Variants in SECISBP2L observed in about 807,000 individuals in gnomAD.
SECISBP2L encodes SECIS binding protein 2 like.
Under a neutral mutation model 114.7 loss-of-function variants are expected in SECISBP2L, and 43 were observed. The observed-to-expected ratio is 0.38, with a 90% CI of 0.29 to 0.48. The LOEUF is 0.48. Among genes scored for constraint, SECISBP2L ranks in the 20% least tolerant of loss-of-function variants. The pLI is 0.98. For missense variants in SECISBP2L, 1,136 were observed against 1,301.1 expected (o/e 0.87, Z 1.95); for synonymous variants, 451 against 439.7 (o/e 1.03, Z -0.32).
intron 12 of SECISBP2L, among the ~76,000 whole-genome samples, chr15:49,012,315 G>A (rs975011624): frequency 6.6e-6 from 1 of 152,190 alleles, no homozygotes; most frequent in Non-Finnish European, 1.5e-5. Flanking sequence ...TAAAATGGTT[G>A]CCTAAAATGA....
intron 16 of SECISBP2L, 28 bp downstream of exon 16, chr15:48,999,805 C>T: frequency 6.2e-7 from 1 of 1,607,480 alleles, no homozygotes; most frequent in Non-Finnish European, 8.5e-7. Context: ...TGCTGGAGAG[C>T]AAGAGTGTGT....
intron 1 of SECISBP2L, among the ~76,000 whole-genome samples, chr15:49,040,964 GAAC>G (rs1191341682): frequency 2.6e-5 from 4 of 151,520 alleles, no homozygotes; most frequent in South Asian, 2.1e-4. Context: ...CTTGCATAGT[GAAC>G]AACAAAATGT....
chr15:49,031,061 C>CTTTTTTTTTTT (rs1566861328), intron 4 of SECISBP2L, among the ~76,000 whole-genome samples: 1 of 77,038 alleles, frequency 1.3e-5, no homozygotes, highest in Non-Finnish European at 2.2e-5. Context: ...TTTTTTTTTT[C>CTTTTTTTTTTT]CCTTTTGAGA....
chr15:49,032,731 A>G (rs1038355230), intron 4 of SECISBP2L, among the ~76,000 whole-genome samples: 4 of 152,222 alleles, frequency 2.6e-5, no homozygotes, highest in Non-Finnish European at 5.9e-5. Flanking sequence ...CATTATTACA[A>G]AAGGAAAGGA....
At chr15:49,009,625 G>A (rs1320285214) in intron 13 of SECISBP2L, among the ~76,000 whole-genome samples, 1 of 152,072 alleles carries the variant, frequency 6.6e-6, no homozygotes, top group Non-Finnish European at 1.5e-5. Context: ...TGTGGTCCCA[G>A]CTACTCAGGA....
chr15:48,990,817 C>T lies in SECISBP2L; in HGVS notation c.*1427G>A, dbSNP rs1901958951. The T allele has an allele frequency of 7.4e-6, 1 of 134,606 alleles. No individual in the cohort carries two copies. Among genetic ancestry groups the T allele is most frequent in the Admixed American group, 9.0e-5 (1 of 11,066 alleles). The allele number at this position is 134,606 out of a possible 1,614,324, so 8.3% of individuals were successfully genotyped here. ...CTTATGGAAGCTTGTAAGTGGAAAA[C>T]ACACACACGTACGGATGTGTGCATG... On this transcript the variant is annotated 3_prime_UTR_variant, in exon 18 of 18. Transcript: ENST00000559471.
chr15:48,995,261 T>C (rs1430123698), intron 17 of SECISBP2L, among the ~76,000 whole-genome samples: 3 of 152,216 alleles, frequency 2.0e-5, no homozygotes, highest in Non-Finnish European at 4.4e-5. Flanking sequence ...TTTACAATGT[T>C]AGCACTTTCC....
intron 6 of SECISBP2L, 92 bp downstream of exon 6, chr15:49,028,052 T>C (rs1000357394): frequency 1.7e-6 from 2 of 1,150,702 alleles, no homozygotes; most frequent in Non-Finnish European, 1.2e-6. Flanking sequence ...TAAGTTTTTT[T>C]TGCAGTATCA....
At chr15:49,019,279 TTC>T in intron 8 of SECISBP2L, 137 bp downstream of exon 8, 1 of 639,538 alleles carries the variant, frequency 1.6e-6, no homozygotes, top group Non-Finnish European at 2.3e-6. Context: ...GAGTTAATAC[TTC>T]TGAGTAATTT....
chr15:48,995,138 G>A (rs1296463266), intron 17 of SECISBP2L, among the ~76,000 whole-genome samples: 1 of 152,106 alleles, frequency 6.6e-6, no homozygotes, highest in African/African-American at 2.4e-5. Flanking sequence ...GTGTTTATAT[G>A]TGCCCATATC....
intron 6 of SECISBP2L, among the ~76,000 whole-genome samples, 196 bp from the exon 7 acceptor site, chr15:49,027,676 T>C (rs1273651547): frequency 6.6e-6 from 1 of 151,758 alleles, no homozygotes; most frequent in Non-Finnish European, 1.5e-5. Flanking sequence ...TGGCGAGATC[T>C]TGGCTCACTG....
In SECISBP2L at chr15:48,991,892, A is replaced by C. The variant is rs1019856760; in HGVS notation, c.*352T>G. ...GTAGAGGAGGTGGAGTCCTGAAGCA[A>C]ACACTGATAACTGCTTCTATCCTTA... On this transcript the variant is annotated 3_prime_UTR_variant, in exon 18 of 18. Coordinates refer to ENST00000559471, the MANE Select transcript of SECISBP2L (RefSeq NM_001193489.2). The C allele has an allele frequency of 1.8e-4, 30 of 168,370 alleles. No individual in the cohort carries two copies. The highest frequency in any genetic ancestry group is 1.5e-3 in the Admixed American group (26 of 17,092). 10.4% of individuals were successfully genotyped at this position (168,370 alleles called of 1,614,324 possible). A position where few individuals can be genotyped will look rare whatever the true frequency, so the allele number is the denominator to read the frequency against.
rs1285308286 is a variant in SECISBP2L, at chr15:48,992,722, T to G, written c.2828A>C (p.Lys943Thr). Residue 943 changes from lysine to threonine, a missense_variant, in exon 18 of 18, where the codon AAA (lysine) becomes ACA (threonine). Around this residue, in one of 2 missense-constraint regions of SECISBP2L, gnomAD observed 684 missense variants for 848.7 expected, o/e 0.81. Transcript: ENST00000559471. The stretch of plus-strand genomic sequence containing the variant: ...CAGGTCATCTGGCTTCACTTCCTCT[T>G]TATCACTTGCTGTGGATTTCCCAGC... The part of the protein sequence containing the change: ...TSAGKSTASD[K>T]EEVKPDDLEW... 15 of 1,614,202 alleles carry G rather than the reference T, an allele frequency of 9.3e-6. No individual in the cohort carries two copies. In the East Asian group the frequency reaches 3.1e-4, roughly 34 times the overall value.
chr15:49,033,102 TG>T lies in SECISBP2L; in HGVS notation c.529-3del, dbSNP rs756692200. On this transcript the variant is annotated splice_polypyrimidine_tract_variant and splice_region_variant and intron_variant, in intron 3 of 17. Transcript: ENST00000559471. Reference sequence around the variant, plus strand: ...TATGTGCTGTTGTAAAAGCTGTTGCTGATTTAAAAAAAAAACAAAAAAACAA... The same window carrying T: ...TATGTGCTGTTGTAAAAGCTGTTGCTATTTAAAAAAAAAACAAAAAAACAA... 6.2e-7 allele frequency: 1 copy of T among 1,603,350 alleles called. No homozygotes were observed. Among genetic ancestry groups the T allele is most frequent in the South Asian group, 1.1e-5 (1 of 88,204 alleles).
At chr15:49,009,680 C>G (rs1595785974) in intron 13 of SECISBP2L, among the ~76,000 whole-genome samples, 1 of 151,396 alleles carries the variant, frequency 6.6e-6, no homozygotes, top group Non-Finnish European at 1.5e-5. Context: ...TTGAGGTCAG[C>G]CTGAGAAACG....
At chr15:49,028,078 A>G in intron 6 of SECISBP2L, 66 bp downstream of exon 6, 1 of 1,424,202 alleles carries the variant, frequency 7.0e-7, no homozygotes, top group Middle Eastern at 1.8e-4. Context: ...CCTCATGCTT[A>G]AAAGGAAAAC....
chr15:49,035,568 A>T lies in SECISBP2L; in HGVS notation c.294T>A (p.Ala98=). The change falls in exon 3 of 18, where the codon GCT becomes GCA. Residue 98 remains alanine, a synonymous_variant. Transcript: ENST00000559471. The part of the protein sequence containing the change: ...GPYFAYPIIS[A]QPPVSTEYTY... ...TATACTCTGTAGAAACAGGCGGCTG[A>T]GCAGATATAATGGGATAGGCAAAGT... The T allele has an allele frequency of 1.9e-6, 3 of 1,614,210 alleles. No individual in the cohort carries two copies. The highest frequency in any genetic ancestry group is 2.5e-6 in the Non-Finnish European group (3 of 1,180,032).
chr15:48,991,310 A>G lies in SECISBP2L; in HGVS notation c.*934T>C, dbSNP rs527550612. The G allele has an allele frequency of 6.6e-6, 1 of 152,602 alleles. No homozygotes were observed. The highest frequency in any genetic ancestry group is 2.4e-5 in the African/African-American group (1 of 41,576). The allele number at this position is 152,602 out of a possible 1,614,324, so 9.5% of individuals were successfully genotyped here. ...AAGGTGAAACAGTTTTGCACTCAGG[A>G]CAAGTTTGGATACTCAATCAAATCC... On this transcript the variant is annotated 3_prime_UTR_variant, in exon 18 of 18. Coordinates refer to ENST00000559471, the MANE Select transcript of SECISBP2L (RefSeq NM_001193489.2).
intron 17 of SECISBP2L, among the ~76,000 whole-genome samples, chr15:48,995,134 A>G (rs1902061609): frequency 6.6e-6 from 1 of 152,164 alleles, no homozygotes; most frequent in South Asian, 2.1e-4. Context: ...ACTTGTGTTT[A>G]TATGTGCCCA....
Sources: allele counts gnomAD v4.1 joint callset (sites outside exome capture counted in the v4.1 genomes callset), GRCh38; gene constraint gnomAD v4.1.1; regional missense constraint gnomAD v4.1.1; transcripts MANE v1.5; gene names NCBI Gene and HGNC (gene_info 2026-07-23, HGNC 2026-07-21).